The following DCC variants were observed in gnomAD, a reference collection of about 807,000 sequenced individuals.
DCC encodes the protein netrin receptor DCC.
DCC carries 58 observed loss-of-function variants against 172.5 expected under a neutral mutation model. The observed-to-expected ratio is 0.34, with a 90% CI of 0.27 to 0.42. The LOEUF is 0.42. Ranked by LOEUF, DCC falls within the 10% of genes least tolerant of loss-of-function variation. The pLI, the probability that DCC is intolerant of heterozygous loss-of-function variation, is 1.00. For synonymous variants in DCC, 709 were observed against 644.5 expected, an observed-to-expected ratio of 1.10 and a Z score of -1.52; for missense variants, 1,740 against 1,791.0, an observed-to-expected ratio of 0.97 and a Z score of 0.51.
chr18:52,706,050 A>G (rs2036204868), intron 1 of DCC, among the ~76,000 whole-genome samples: 1 of 152,172 alleles, frequency 6.6e-6, no homozygotes, highest in Non-Finnish European at 1.5e-5. Context: ...GCATTGTAGA[A>G]ACATGTTGAT....
chr18:52,783,548 A>T (rs995680880), intron 2 of DCC, among the ~76,000 whole-genome samples: 2 of 151,660 alleles, frequency 1.3e-5, no homozygotes, highest in African/African-American at 4.8e-5. Flanking sequence ...TGTAAAAGAC[A>T]TTGTAGTGTT....
chr18:52,918,866 C>T (rs2040078236), intron 3 of DCC, among the ~76,000 whole-genome samples: 1 of 151,998 alleles, frequency 6.6e-6, no homozygotes, highest in Non-Finnish European at 1.5e-5. Context: ...TTTCTGAGAT[C>T]TTGGTTTCAT....
rs746955551 is a variant in DCC, at chr18:53,499,267, T to C, written c.3899-31T>C. 4 of 1,610,286 alleles carry C rather than the reference T, an allele frequency of 2.5e-6. No individual in the cohort carries two copies. The Admixed American group carries it at 5.0e-5, about 20-fold the overall frequency. The stretch of plus-strand genomic sequence containing the variant: ...AAGGAAAACAGACTTTGTCCAGGAA[T>C]AATGAATGACTTTTCTTGTCTCCAC... On this transcript the variant is annotated intron_variant, in intron 26 of 28. Transcript: ENST00000442544.
At chr18:52,351,258 A>G (rs149142128) in intron 1 of DCC, among the ~76,000 whole-genome samples, 223 of 152,288 alleles carry the variant, frequency 1.5e-3, no homozygotes, top group African/African-American at 5.0e-3. Flanking sequence ...AAACATAATA[A>G]TGGCTTAGCT....
At chr18:52,829,502 A>G (rs1175366839) in intron 2 of DCC, among the ~76,000 whole-genome samples, 1 of 152,230 alleles carries the variant, frequency 6.6e-6, no homozygotes, top group African/African-American at 2.4e-5. Flanking sequence ...ATAGGGCAGT[A>G]TAAATGATTC....
At chr18:53,446,351 G>A (rs1161412787) in intron 22 of DCC, among the ~76,000 whole-genome samples, 1 of 152,082 alleles carries the variant, frequency 6.6e-6, no homozygotes, top group East Asian at 1.9e-4. Context: ...TTGTGCCAGG[G>A]CTTGTGGTCA....
At chr18:52,418,656 C>A (rs1253263377) in intron 1 of DCC, among the ~76,000 whole-genome samples, 1 of 152,048 alleles carries the variant, frequency 6.6e-6, no homozygotes, top group Non-Finnish European at 1.5e-5. Context: ...GTGGGTCCAA[C>A]ACATTCACAG....
intron 22 of DCC, among the ~76,000 whole-genome samples, chr18:53,443,529 A>T (rs1912408271): frequency 6.6e-6 from 1 of 152,268 alleles, no homozygotes; most frequent in Non-Finnish European, 1.5e-5. Flanking sequence ...TGCTGTTTTC[A>T]TGCCTGCTAA....
intron 1 of DCC, among the ~76,000 whole-genome samples, chr18:52,376,015 G>A (rs1479174947): frequency 2.0e-5 from 3 of 152,126 alleles, no homozygotes; most frequent in African/African-American, 4.8e-5. Context: ...ATGCTAGCCC[G>A]AAAGACCTAG....
intron 23 of DCC, among the ~76,000 whole-genome samples, chr18:53,456,064 A>G (rs2045479070): frequency 6.6e-6 from 1 of 152,212 alleles, no homozygotes; most frequent in African/African-American, 2.4e-5. Flanking sequence ...TGGACAGCTC[A>G]ATAAGACACA....
chr18:52,436,705 C>T (rs908132701), intron 1 of DCC, among the ~76,000 whole-genome samples: 18 of 152,254 alleles, frequency 1.2e-4, no homozygotes, highest in South Asian at 8.3e-4. Flanking sequence ...GCCAGGAGTT[C>T]GAGAACAGCC....
rs1486261041 is a variant in DCC, at chr18:53,066,383, ATATATATATATATATG to A, written c.1261+219_1261+234del. ...TATATATATATATATATATATATAT[ATATATATATATATATG>A]TGCATGTGTGTATGTGTGTGTTTGT... is the stretch of plus-strand genomic sequence containing the variant. On this transcript the variant is annotated intron_variant, in intron 7 of 28. Coordinates refer to ENST00000442544, the MANE Select transcript of DCC (RefSeq NM_005215.4). 5.2e-5 allele frequency among the ~76,000 whole-genome samples: 6 copies of A among 115,952 alleles called. 1 individual carries two copies. The highest frequency in any genetic ancestry group is 8.2e-5 in the Non-Finnish European group (5 of 61,148). 76.1% of individuals were successfully genotyped at this position (115,952 alleles called of 152,430 possible).
At chr18:53,314,184 G>A (rs747405434) in intron 13 of DCC, among the ~76,000 whole-genome samples, 4 of 152,090 alleles carry the variant, frequency 2.6e-5, no homozygotes, top group African/African-American at 7.2e-5. Context: ...TAGAAGCAGG[G>A]CCACCTGAAA....
Position 52,340,832 on chromosome 18 carries a change from T to G in DCC, c.45T>G (p.Phe15Leu), listed in dbSNP as rs2144215891. The G allele has an allele frequency of 6.2e-7, 1 of 1,614,144 alleles. No individual in the cohort carries two copies. Among genetic ancestry groups the G allele is most frequent in the African/African-American group, 1.3e-5 (1 of 75,048 alleles). The change falls in exon 1 of 29, where the codon TTT becomes TTG. Residue 15 changes from phenylalanine (F) to leucine (L), a missense_variant. Physicochemically the swap from Phe to Leu is conservative, Grantham distance 22. Around this residue, in one of 2 missense-constraint regions of DCC, gnomAD observed 1,732 missense variants for 1,767.4 expected, o/e 0.98. Coordinates refer to ENST00000442544, the MANE Select transcript of DCC (RefSeq NM_005215.4). ...LRCVWVPKLA[F>L]VLFGASLFSA... ...GTGTTTGGGTACCCAAGCTGGCTTT[T>G]GTACTCTTCGGAGCTTCCTTGTTCA...
chr18:53,270,270 A>C (rs1367175680), intron 12 of DCC, among the ~76,000 whole-genome samples: 1 of 152,120 alleles, frequency 6.6e-6, no homozygotes, highest in Non-Finnish European at 1.5e-5. Flanking sequence ...GCTTTTGTTC[A>C]AACATAGGAG....
In DCC at chr18:53,470,299, C is replaced by T. The variant is rs186465664; in HGVS notation, c.3736+2289C>T. The stretch of plus-strand genomic sequence containing the variant: ...AGCAAGAGTCTCCTTTGCTTCATTT[C>T]CCAATAATTTCCTCATCACCATCTG... On this transcript the variant is annotated intron_variant, in intron 25 of 28. Transcript: ENST00000442544. Among the ~76,000 whole-genome samples, 405 of 152,248 alleles carry T rather than the reference C, an allele frequency of 2.7e-3. 4 individuals carry two copies. The highest frequency in any genetic ancestry group is 0.02 in the Admixed American group (304 of 15,290).
intron 23 of DCC, among the ~76,000 whole-genome samples, chr18:53,455,265 A>T (rs1199091787): frequency 6.6e-6 from 1 of 152,228 alleles, no homozygotes; most frequent in African/African-American, 2.4e-5. Flanking sequence ...TGCCTAATAA[A>T]GTTGGGAACA....
intron 21 of DCC, among the ~76,000 whole-genome samples, chr18:53,433,437 G>A (rs539295333): frequency 1.1e-3 from 162 of 152,280 alleles, no homozygotes; most frequent in African/African-American, 3.6e-3. Flanking sequence ...ATTTCCAGCC[G>A]ATACAGGATT....
chr18:52,991,590 C>G (rs2041392930), intron 5 of DCC, among the ~76,000 whole-genome samples: 1 of 152,200 alleles, frequency 6.6e-6, no homozygotes, highest in African/African-American at 2.4e-5. Flanking sequence ...CATGATTTCA[C>G]CCATTCCCTC....
Sources: gnomAD v4.1 joint callset for allele counts (sites outside exome capture counted in the v4.1 genomes callset) on GRCh38, gnomAD v4.1.1 for gene constraint, gnomAD v4.1.1 regional missense constraint, MANE v1.5 for transcripts, NCBI Gene and HGNC (gene_info 2026-07-23, HGNC 2026-07-21) for gene names.